SUSD4: variants seen among roughly 807,000 people sequenced by gnomAD.
SUSD4 encodes the protein sushi domain-containing protein 4.
Under a neutral mutation model 50.5 loss-of-function variants are expected in SUSD4, and 41 were observed. That is an observed-to-expected ratio of 0.81 (90% CI 0.63 to 1.05). The LOEUF (loss-of-function observed/expected upper bound fraction) is 1.05, where lower values mean the gene tolerates loss of function less well. Ranked by LOEUF, SUSD4 falls within the 50% of genes least tolerant of loss-of-function variation. The pLI is 0.00. For synonymous variants in SUSD4, 257 were observed against 257.3 expected, an observed-to-expected ratio of 1.00 and a Z score of 0.01; for missense variants, 580 against 634.7, an observed-to-expected ratio of 0.91 and a Z score of 0.93.
chr1:223,306,962 T>TTTG (rs1553302237), intron 2 of SUSD4, among the ~76,000 whole-genome samples: 1 of 149,108 alleles, frequency 6.7e-6, no homozygotes, highest in African/African-American at 2.5e-5. Context: ...TTTTTTTTTT[T>TTTG]GGGGGGGGGT....
In SUSD4 at chr1:223,286,061, C is replaced by T. The variant is rs955763819; in HGVS notation, c.361+6378G>A. On this transcript the variant is annotated intron_variant, in intron 3 of 8. Transcript: ENST00000366878. ...CAGTGTGAATATCCATGGGCAAAGG[C>T]CCACCTGGGAGAAGCTGGGACTACA... 8.5e-5 allele frequency among the ~76,000 whole-genome samples: 13 copies of T among 152,216 alleles called. No individual in the cohort carries two copies. The South Asian group carries it at 2.5e-3, about 29-fold the overall frequency.
At chr1:223,313,160 T>C (rs1772275) in intron 2 of SUSD4, among the ~76,000 whole-genome samples, 22,800 of 152,058 alleles carry the variant, frequency 0.15, 2,044 homozygotes, top group East Asian at 0.25. Context: ...GGATGGGGGC[T>C]GGCCATGCCA....
chr1:223,287,131 A>C (rs1664196540), intron 3 of SUSD4, among the ~76,000 whole-genome samples: 1 of 152,212 alleles, frequency 6.6e-6, no homozygotes, highest in African/African-American at 2.4e-5. Flanking sequence ...GCTGGAGTAC[A>C]GTGGCACGAT....
At chr1:223,310,412 C>T (rs1665804169) in intron 2 of SUSD4, among the ~76,000 whole-genome samples, 1 of 152,160 alleles carries the variant, frequency 6.6e-6, no homozygotes, top group South Asian at 2.1e-4. Flanking sequence ...CAATTCCTAA[C>T]AGTCTATTCA....
chr1:223,279,405 A>G (rs1331122490), intron 3 of SUSD4, among the ~76,000 whole-genome samples: 1 of 152,244 alleles, frequency 6.6e-6, no homozygotes, highest in Admixed American at 6.5e-5. Context: ...AAACCATGGC[A>G]CAAGAACTAC....
At chr1:223,271,529 C>CCA (rs1240361018) in intron 3 of SUSD4, among the ~76,000 whole-genome samples, 2 of 152,084 alleles carry the variant, frequency 1.3e-5, no homozygotes, top group African/African-American at 4.8e-5. Flanking sequence ...GTGGGAGGAG[C>CCA]CACATATCAA....
chr1:223,284,491 A>C (rs1663997633), intron 3 of SUSD4, among the ~76,000 whole-genome samples: 1 of 152,222 alleles, frequency 6.6e-6, no homozygotes, highest in African/African-American at 2.4e-5. Flanking sequence ...CTGTAAAATA[A>C]GGCTGTAGAA....
intron 5 of SUSD4, chr1:223,264,022 A>C: frequency 1.0e-6 from 1 of 985,484 alleles, no homozygotes; most frequent in Non-Finnish European, 1.2e-6. Context: ...CTTGCCTAGC[A>C]GAAGTGTTTA....
chr1:223,355,433 G>A (rs1668608317), intron 2 of SUSD4, among the ~76,000 whole-genome samples: 1 of 152,016 alleles, frequency 6.6e-6, no homozygotes, highest in Non-Finnish European at 1.5e-5. Flanking sequence ...TGCCCAGGCT[G>A]GTCTTGAACT....
At position 223,229,629 on chromosome 1, in the gene SUSD4, A is replaced by ATGTGAAGTACATTGTGAAGTACAATG. The variant is rs1340615892; in HGVS notation, c.725-242_725-241insCATTGTACTTCACAATGTACTTCACA. On this transcript the variant is annotated intron_variant, in intron 5 of 8. Coordinates refer to ENST00000366878, the MANE Select transcript of SUSD4 (RefSeq NM_017982.4). This position sits in a 1 kb window ranked among gnomAD's most constrained non-coding sequence, Gnocchi z 4.7. ...ACATGGCATTGTGAAGTACATCGTA[A>ATGTGAAGTACATTGTGAAGTACAATG]AAGAGAGGTTCGTTTTACAATGCAA... 6.6e-6 allele frequency among the ~76,000 whole-genome samples: 1 copy of ATGTGAAGTACATTGTGAAGTACAATG among 152,194 alleles called. No homozygotes were observed. The highest frequency in any genetic ancestry group is 1.5e-5 in the Non-Finnish European group (1 of 68,040).
In SUSD4 at chr1:223,229,052, C is replaced by T. The variant is rs557986301; in HGVS notation, c.916+145G>A. 30 of 818,604 alleles carry T rather than the reference C, an allele frequency of 3.7e-5. No homozygotes were observed. The highest frequency in any genetic ancestry group is 1.5e-4 in the Admixed American group (6 of 39,492). The allele number at this position is 818,604 out of a possible 1,614,324, so 50.7% of individuals were successfully genotyped here. ...GCACAGAGCCCAACAGCAGCCCCAT[C>T]GACCCGCAATGATATGTTTCGATAT... On this transcript the variant is annotated intron_variant, in intron 6 of 8. Coordinates refer to ENST00000366878, the MANE Select transcript of SUSD4 (RefSeq NM_017982.4). The surrounding 1 kb of genome is among the most constrained non-coding windows in gnomAD (Gnocchi z 4.7).
intron 3 of SUSD4, among the ~76,000 whole-genome samples, chr1:223,285,305 A>T (rs1266273979): frequency 3.9e-5 from 6 of 152,290 alleles, no homozygotes; most frequent in Non-Finnish European, 5.9e-5. Context: ...GCCTTCAGTG[A>T]CTGGGGATGG....
chr1:223,361,582 G>A (rs1668982126), intron 2 of SUSD4, among the ~76,000 whole-genome samples: 1 of 152,168 alleles, frequency 6.6e-6, no homozygotes, highest in Non-Finnish European at 1.5e-5. Flanking sequence ...GCTCTGAAAT[G>A]TTGAGGAGGA....
intron 2 of SUSD4, among the ~76,000 whole-genome samples, chr1:223,336,131 T>C (rs913502851): frequency 6.6e-6 from 1 of 152,194 alleles, no homozygotes; most frequent in Non-Finnish European, 1.5e-5. Context: ...TTTTGTGTTT[T>C]TTAGTAGATA....
chr1:223,298,017 G>C (rs1664942578), intron 2 of SUSD4, among the ~76,000 whole-genome samples: 1 of 152,058 alleles, frequency 6.6e-6, no homozygotes, highest in Non-Finnish European at 1.5e-5. Flanking sequence ...TAGATGAATA[G>C]ATGGATAAAT....
chr1:223,305,415 C>T (rs1482350435), intron 2 of SUSD4, among the ~76,000 whole-genome samples: 1 of 152,170 alleles, frequency 6.6e-6, no homozygotes, highest in South Asian at 2.1e-4. Context: ...GGGGAAAGAG[C>T]TCAGAGCAAA....
At chr1:223,319,972 C>T (rs544971224) in intron 2 of SUSD4, among the ~76,000 whole-genome samples, 1 of 152,178 alleles carries the variant, frequency 6.6e-6, no homozygotes. Flanking sequence ...AAGTTACTTT[C>T]CTCCTATGAC....
chr1:223,266,318 G>A (rs1294312883), intron 4 of SUSD4, among the ~76,000 whole-genome samples: 1 of 152,190 alleles, frequency 6.6e-6, no homozygotes, highest in African/African-American at 2.4e-5. Flanking sequence ...AAGTGTATGT[G>A]TGTTTATGTG....
At chr1:223,296,719 G>A (rs989238678) in intron 2 of SUSD4, among the ~76,000 whole-genome samples, 2 of 152,280 alleles carry the variant, frequency 1.3e-5, no homozygotes, top group South Asian at 4.1e-4. Context: ...GAATTATGGG[G>A]TGGTTACCTC....
Sources: gnomAD v4.1 joint callset for allele counts (sites outside exome capture counted in the v4.1 genomes callset) on GRCh38, gnomAD v4.1.1 for gene constraint, Gnocchi (gnomAD v3.1) non-coding constraint, MANE v1.5 for transcripts, NCBI Gene and HGNC (gene_info 2026-07-23, HGNC 2026-07-21) for gene names.